Variants in CUX1 observed in about 807,000 individuals in gnomAD.
CUX1 encodes the protein cut like homeobox 1.
CUX1 carries 31 observed loss-of-function variants against 158.8 expected under a neutral mutation model. That is an observed-to-expected ratio of 0.20 (90% CI 0.15 to 0.26). The LOEUF is 0.26. Ranked by LOEUF, CUX1 falls within the 10% of genes least tolerant of loss-of-function variation. The probability of loss-of-function intolerance (pLI) is 1.00; values close to 1 mark genes in which losing one functional copy is unlikely to be tolerated. For missense variants in CUX1, 1,589 were observed against 2,014.6 expected (o/e 0.79, Z 4.04); for synonymous variants, 879 against 862.1 (o/e 1.02, Z -0.34).
At chr7:102,277,934 C>CATGGCCCA in intron 17 of CUX1, 1 of 846,854 alleles carries the variant, frequency 1.2e-6, no homozygotes, top group Non-Finnish European at 1.7e-6. Flanking sequence ...CCTTTCCTTG[C>CATGGCCCA]CCCTCCCCCC....
At chr7:102,101,287 G>A (rs1829747949) in intron 5 of CUX1, among the ~76,000 whole-genome samples, 1 of 152,222 alleles carries the variant, frequency 6.6e-6, no homozygotes, top group Non-Finnish European at 1.5e-5. Context: ...TGAGTAAATG[G>A]AGGCCCCAGG....
At chr7:102,044,627 C>T (rs1822526249) in intron 3 of CUX1, among the ~76,000 whole-genome samples, 1 of 152,130 alleles carries the variant, frequency 6.6e-6, no homozygotes, top group Non-Finnish European at 1.5e-5. Context: ...TATTCTTTGC[C>T]TTATGGAAGT....
At chr7:102,047,723 A>G (rs1254966098) in intron 3 of CUX1, among the ~76,000 whole-genome samples, 1 of 152,198 alleles carries the variant, frequency 6.6e-6, no homozygotes, top group African/African-American at 2.4e-5. Context: ...TTATTTGACT[A>G]TCGTGGAATT....
intron 4 of CUX1, among the ~76,000 whole-genome samples, chr7:102,093,868 A>G (rs916482809): frequency 6.6e-6 from 1 of 150,890 alleles, no homozygotes; most frequent in Non-Finnish European, 1.5e-5. Flanking sequence ...CTGGGAAGAC[A>G]GGGGTTACCG....
At chr7:102,048,862 A>G (rs750549600) in intron 3 of CUX1, among the ~76,000 whole-genome samples, 3 of 151,864 alleles carry the variant, frequency 2.0e-5, no homozygotes, top group Non-Finnish European at 4.4e-5. Flanking sequence ...TTGACATAAA[A>G]TCGTTAATGT....
At chr7:102,124,004 G>A (rs1554494351) in intron 8 of CUX1, among the ~76,000 whole-genome samples, 1 of 152,178 alleles carries the variant, frequency 6.6e-6, no homozygotes, top group African/African-American at 2.4e-5. Flanking sequence ...TGAGAGGGTA[G>A]AGAAAATCAT....
At chr7:101,934,954 AG>A (rs1806741043) in intron 2 of CUX1, among the ~76,000 whole-genome samples, 1 of 152,048 alleles carries the variant, frequency 6.6e-6, no homozygotes, top group Non-Finnish European at 1.5e-5. Flanking sequence ...AGGAGGAGGA[AG>A]GGTCCACGTA....
chr7:102,068,287 T>G (rs1825768253), intron 3 of CUX1, among the ~76,000 whole-genome samples: 1 of 151,906 alleles, frequency 6.6e-6, no homozygotes, highest in Non-Finnish European at 1.5e-5. Context: ...AAATTTTTAT[T>G]TTTAAATTTT....
intron 8 of CUX1, among the ~76,000 whole-genome samples, chr7:102,151,279 G>A (rs1250945724): frequency 2.6e-5 from 4 of 152,116 alleles, no homozygotes; most frequent in South Asian, 2.1e-4. Context: ...GGGGCTGGGC[G>A]CGTCGGTTCA....
At chr7:102,243,723 G>A (rs968808115) in intron 23 of CUX1, among the ~76,000 whole-genome samples, 10 of 150,502 alleles carry the variant, frequency 6.6e-5, no homozygotes, top group Non-Finnish European at 1.2e-4. Context: ...GCATGAAGTC[G>A]CTTGTCTAAG....
exon 15 of CUX1, chr7:102,273,386 G>A: frequency 1.2e-6 from 2 of 1,612,456 alleles, no homozygotes; most frequent in Non-Finnish European, 8.5e-7. Context: ...GGAGCTGCAA[G>A]TCCGTATCAC....
chr7:102,028,685 G>T (rs772482479), intron 3 of CUX1, among the ~76,000 whole-genome samples: 1 of 152,206 alleles, frequency 6.6e-6, no homozygotes, highest in Non-Finnish European at 1.5e-5. Context: ...GGAGCCATCT[G>T]GCAGACGGCA....
chr7:102,138,495 C>G (rs1554499297), intron 8 of CUX1, among the ~76,000 whole-genome samples: 1 of 152,180 alleles, frequency 6.6e-6, no homozygotes, highest in Non-Finnish European at 1.5e-5. Flanking sequence ...CCTCTTGTAA[C>G]TGAAATTCAC....
In CUX1 at chr7:101,916,189, C is replaced by T. The variant is rs145317607; in HGVS notation, c.105C>T (p.Ile35=). The T allele has an allele frequency of 9.9e-5, 159 of 1,613,788 alleles. No homozygotes were observed. The African/African-American group carries it at 1.6e-3, about 17-fold the overall frequency. ...DESEQSRKRL[I]EQSREFKKNT... is the part of the protein sequence containing the mutation. ...GTGAGCAGTCCAGAAAGCGGCTTAT[C>T]GAACAGAGCCGGGAGTTCAAGAAGA... The change falls in exon 2 of 24, where the codon ATC becomes ATT. Residue 35 remains isoleucine (I), a synonymous_variant. Coordinates refer to ENST00000292535, the MANE Select transcript of CUX1 (RefSeq NM_181552.4). The surrounding 1 kb of genome is among the most constrained non-coding windows in gnomAD (Gnocchi z 4.4).
intron 19 of CUX1, among the ~76,000 whole-genome samples, chr7:102,280,345 C>T (rs1563533424): frequency 6.6e-6 from 1 of 152,206 alleles, no homozygotes; most frequent in African/African-American, 2.4e-5. Flanking sequence ...CGCTTCAGTG[C>T]AATGTAGGCC....
chr7:102,105,670 G>A (rs1554488229), intron 6 of CUX1, among the ~76,000 whole-genome samples: 1 of 151,686 alleles, frequency 6.6e-6, no homozygotes. Flanking sequence ...GCGCCACCAC[G>A]CCTGGCTGAC....
At chr7:101,881,701 T>C (rs950791479) in intron 1 of CUX1, among the ~76,000 whole-genome samples, 28 of 152,260 alleles carry the variant, frequency 1.8e-4, no homozygotes, top group African/African-American at 6.5e-4. Flanking sequence ...TGTTAGGCTG[T>C]AGGGCCATGT....
chr7:101,916,305 T>C lies in CUX1; in HGVS notation c.141+80T>C. 1 of 908,438 alleles carries C rather than the reference T, an allele frequency of 1.1e-6. No individual in the cohort carries two copies. Among genetic ancestry groups the C allele is most frequent in the Non-Finnish European group, 1.8e-6 (1 of 545,644 alleles). The allele number at this position is 908,438 out of a possible 1,614,324, so 56.3% of individuals were successfully genotyped here. A position where few individuals can be genotyped will look rare whatever the true frequency, so the allele number is the denominator to read the frequency against. On this transcript the variant is annotated intron_variant, in intron 2 of 23. Coordinates refer to ENST00000292535, the MANE Select transcript of CUX1 (RefSeq NM_181552.4). The surrounding 1 kb of genome is among the most constrained non-coding windows in gnomAD (Gnocchi z 4.4). ...TGTTCAGGCGACGCTCCGTGAGCGT[T>C]TCATTTTCATCAGATGAACGCACGG...
intron 18 of CUX1, among the ~76,000 whole-genome samples, chr7:102,203,635 C>T (rs1209576952): frequency 1.3e-5 from 2 of 152,160 alleles, no homozygotes; most frequent in African/African-American, 4.8e-5. Flanking sequence ...ACTTGTTTGG[C>T]CCGTGAGTGC....
Sources: allele counts gnomAD v4.1 joint callset (sites outside exome capture counted in the v4.1 genomes callset), GRCh38; gene constraint gnomAD v4.1.1; non-coding constraint Gnocchi (gnomAD v3.1); transcripts MANE v1.5; gene names NCBI Gene and HGNC (gene_info 2026-07-23, HGNC 2026-07-21).